Variants in BMP5 observed in about 807,000 individuals in gnomAD.
BMP5 encodes the protein bone morphogenetic protein 5.
A neutral mutation model predicts 46.6 loss-of-function variants in BMP5; 23 were observed. The ratio of observed to expected loss-of-function variants is 0.49; its 90% CI spans 0.35 to 0.70. BMP5 has a LOEUF of 0.70. Among genes scored for constraint, BMP5 ranks in the 30% least tolerant of loss-of-function variants. BMP5 has a pLI of 0.00. For missense variants in BMP5, 545 were observed against 565.6 expected, an observed-to-expected ratio of 0.96 and a Z score of 0.37; for synonymous variants, 204 against 191.9, an observed-to-expected ratio of 1.06 and a Z score of -0.52.
At chr6:55,781,032 T>C (rs1192725480) in intron 3 of BMP5, among the ~76,000 whole-genome samples, 2 of 152,092 alleles carry the variant, frequency 1.3e-5, no homozygotes, top group South Asian at 4.1e-4. Context: ...GCTAGAAATA[T>C]GAATCTCACG....
chr6:55,839,747 G>T (rs892518513), intron 1 of BMP5, among the ~76,000 whole-genome samples: 16 of 152,106 alleles, frequency 1.1e-4, no homozygotes, highest in Admixed American at 1.0e-3. Context: ...TTTTGCTATT[G>T]TAGACAGTGT....
At chr6:55,786,508 G>T (rs531740263) in intron 3 of BMP5, among the ~76,000 whole-genome samples, 1 of 151,172 alleles carries the variant, frequency 6.6e-6, no homozygotes, top group East Asian at 1.9e-4. Context: ...CCCTCAGTTT[G>T]CCTTTTATGC....
intron 1 of BMP5, among the ~76,000 whole-genome samples, chr6:55,831,186 A>G (rs1464736291): frequency 1.3e-5 from 2 of 152,150 alleles, no homozygotes; most frequent in Non-Finnish European, 2.9e-5. Flanking sequence ...AAATCTGACA[A>G]ATCCAAGAGG....
chr6:55,836,131 A>G (rs977817529), intron 1 of BMP5, among the ~76,000 whole-genome samples: 2 of 152,212 alleles, frequency 1.3e-5, no homozygotes, highest in Non-Finnish European at 2.9e-5. Flanking sequence ...CTCACAAAAT[A>G]TCACAGGATA....
chr6:55,822,928 T>C (rs1268367818), intron 1 of BMP5, among the ~76,000 whole-genome samples: 2 of 152,164 alleles, frequency 1.3e-5, no homozygotes, highest in African/African-American at 4.8e-5. Flanking sequence ...CCTTATATCC[T>C]ACTGCTTTGA....
chr6:55,873,497 A>G (rs1777832315), intron 1 of BMP5, among the ~76,000 whole-genome samples: 1 of 151,938 alleles, frequency 6.6e-6, no homozygotes, highest in African/African-American at 2.4e-5. Flanking sequence ...CTTATAAAAT[A>G]ATTTGAAATT....
intron 3 of BMP5, among the ~76,000 whole-genome samples, chr6:55,783,335 A>G (rs1775371108): frequency 6.6e-6 from 1 of 151,970 alleles, no homozygotes; most frequent in Admixed American, 6.6e-5. Flanking sequence ...CACTTCCAAT[A>G]TATACTACTG....
At chr6:55,866,393 A>G (rs1777640335) in intron 1 of BMP5, among the ~76,000 whole-genome samples, 1 of 152,304 alleles carries the variant, frequency 6.6e-6, no homozygotes, top group South Asian at 2.1e-4. Flanking sequence ...AAGAAGAAAG[A>G]CAATAATCCC....
At chr6:55,763,512 G>A (rs1218603494) in intron 4 of BMP5, among the ~76,000 whole-genome samples, 2 of 152,150 alleles carry the variant, frequency 1.3e-5, no homozygotes, top group East Asian at 1.9e-4. Flanking sequence ...AAAGCCTGCA[G>A]TTAGGTTTAC....
chr6:55,853,740 G>A (rs1777312247), intron 1 of BMP5, among the ~76,000 whole-genome samples: 1 of 152,150 alleles, frequency 6.6e-6, no homozygotes, highest in Admixed American at 6.5e-5. Context: ...TTCCATGGAA[G>A]CTAATGTAGA....
chr6:55,814,235 C>T (rs963034312), intron 2 of BMP5, among the ~76,000 whole-genome samples: 1 of 151,960 alleles, frequency 6.6e-6, no homozygotes, highest in African/African-American at 2.4e-5. Flanking sequence ...TTTATCTTTA[C>T]ATAAAGGTAG....
intron 1 of BMP5, among the ~76,000 whole-genome samples, chr6:55,873,572 T>C (rs1489752539): frequency 6.6e-6 from 1 of 151,938 alleles, no homozygotes; most frequent in African/African-American, 2.4e-5. Context: ...ACATTATCAG[T>C]ATTTAAAAAC....
intron 1 of BMP5, 136 bp downstream of exon 1, chr6:55,874,238 AAG>A: frequency 1.9e-6 from 2 of 1,065,086 alleles, no homozygotes; most frequent in Non-Finnish European, 2.7e-6. Context: ...CAATGAAAGA[AAG>A]AAAACAGAAG....
intron 1 of BMP5, among the ~76,000 whole-genome samples, chr6:55,823,693 G>C (rs892906068): frequency 1.3e-5 from 2 of 151,860 alleles, no homozygotes; most frequent in Non-Finnish European, 2.9e-5. Context: ...AGTTGACCTT[G>C]TTTCAGTGCT....
At position 55,754,335 on chromosome 6, in the gene BMP5, CA is replaced by C. The variant is rs1774526116; in HGVS notation, c.*1197del. ...ACATGCACACACAGACACACACACA[CA>C]CACACACACAACAGAACCTTCCTGT... On this transcript the variant is annotated 3_prime_UTR_variant, in exon 7 of 7. Transcript: ENST00000370830. 6.6e-6 allele frequency: 1 copy of C among 151,802 alleles called. No individual in the cohort carries two copies. The highest frequency in any genetic ancestry group is 6.6e-5 in the Admixed American group (1 of 15,192). The allele number at this position is 151,802 out of a possible 1,614,324, so 9.4% of individuals were successfully genotyped here. A position where few individuals can be genotyped will look rare whatever the true frequency, so the allele number is the denominator to read the frequency against.
intron 1 of BMP5, among the ~76,000 whole-genome samples, chr6:55,853,961 T>A (rs918698817): frequency 6.6e-6 from 1 of 152,290 alleles, no homozygotes; most frequent in African/African-American, 2.4e-5. Context: ...TACTTCAGAA[T>A]TTTTTACCAA....
intron 2 of BMP5, among the ~76,000 whole-genome samples, chr6:55,806,414 T>G (rs1775989637): frequency 6.6e-6 from 1 of 152,214 alleles, no homozygotes; most frequent in African/African-American, 2.4e-5. Flanking sequence ...CTCTGTTCTT[T>G]TTCATTGGTC....
At chr6:55,842,465 C>T (rs947491867) in intron 1 of BMP5, among the ~76,000 whole-genome samples, 1 of 152,160 alleles carries the variant, frequency 6.6e-6, no homozygotes, top group Non-Finnish European at 1.5e-5. Context: ...GAATGCAACA[C>T]TCCCCCAGGT....
intron 3 of BMP5, 29 bp downstream of exon 3, chr6:55,794,250 C>CA (rs745438609): frequency 6.2e-5 from 100 of 1,612,750 alleles, no homozygotes; most frequent in East Asian, 1.1e-4. Flanking sequence ...ACAAGCTTCA[C>CA]AAAAAAATAT....
Sources: allele counts gnomAD v4.1 joint callset (sites outside exome capture counted in the v4.1 genomes callset), GRCh38; gene constraint gnomAD v4.1.1; transcripts MANE v1.5; gene names NCBI Gene and HGNC (gene_info 2026-07-23, HGNC 2026-07-21).